Variants in ZNF207 observed in about 807,000 individuals in gnomAD.
The protein encoded by ZNF207 is BUB3-interacting and GLEBS motif-containing protein ZNF207.
Under a neutral mutation model 60.2 loss-of-function variants are expected in ZNF207, and 24 were observed. The observed-to-expected ratio is 0.40, with a 90% CI of 0.29 to 0.56. The LOEUF (loss-of-function observed/expected upper bound fraction) is 0.56, where lower values mean the gene tolerates loss of function less well. ZNF207 is among the 20% of genes least tolerant of loss of function. The pLI, the probability that ZNF207 is intolerant of heterozygous loss-of-function variation, is 0.49. For missense variants in ZNF207, 452 were observed against 636.6 expected (o/e 0.71, Z 3.12); for synonymous variants, 236 against 194.7 (o/e 1.21, Z -1.77).
In ZNF207 at chr17:32,361,101, A is replaced by G. The variant is rs1348422710; in HGVS notation, c.551+134A>G. 1.4e-5 allele frequency: 13 copies of G among 905,082 alleles called. No individual in the cohort carries two copies. In the South Asian group the frequency reaches 1.9e-4, roughly 13 times the overall value. 56.1% of individuals were successfully genotyped at this position (905,082 alleles called of 1,614,324 possible). The stretch of plus-strand genomic sequence containing the variant: ...GTATGGGCTCTATATATCTTGTCTA[A>G]TAAAGGGATCAACCAGTAAATTTAA... On this transcript the variant is annotated intron_variant, in intron 5 of 11. Transcript: ENST00000394670.
intron 6 of ZNF207, among the ~76,000 whole-genome samples, chr17:32,361,952 A>G (rs1316036697): frequency 1.3e-5 from 2 of 152,178 alleles, no homozygotes; most frequent in Non-Finnish European, 1.5e-5. Flanking sequence ...CCAATTTATC[A>G]TTTTTTAAGT....
At position 32,374,955 on chromosome 17, in the gene ZNF207, T is replaced by C. The variant is rs989380517; in HGVS notation, c.*5196T>C. 1.3e-5 allele frequency: 2 copies of C among 152,188 alleles called. No homozygotes were observed. The highest frequency in any genetic ancestry group is 2.9e-5 in the Non-Finnish European group (2 of 68,030). The allele number at this position is 152,188 out of a possible 1,614,324, so 9.4% of individuals were successfully genotyped here. On this transcript the variant is annotated 3_prime_UTR_variant, in exon 12 of 12. Coordinates refer to ENST00000394670, the MANE Select transcript of ZNF207 (RefSeq NM_001098507.2). Reference sequence around the variant, plus strand: ...GGTGAGAAAAGTTGTGTGCGTGTGTTTGTTGTAGGGAATAATTAGGGAATT... The same window carrying C: ...GGTGAGAAAAGTTGTGTGCGTGTGTCTGTTGTAGGGAATAATTAGGGAATT...
chr17:32,357,352 T>TTA (rs1491151439), intron 2 of ZNF207, among the ~76,000 whole-genome samples: 18 of 45,338 alleles, frequency 4.0e-4, no homozygotes, highest in African/African-American at 1.6e-3. Context: ...ATTATTATTA[T>TTA]TTTTTTTTTT....
chr17:32,357,504 A>G lies in ZNF207; in HGVS notation c.169-999A>G, dbSNP rs752108073. 5.9e-5 allele frequency among the ~76,000 whole-genome samples: 9 copies of G among 151,502 alleles called. No homozygotes were observed. In the East Asian group the frequency reaches 7.8e-4, roughly 13 times the overall value. On this transcript the variant is annotated intron_variant, in intron 2 of 11. Coordinates refer to ENST00000394670, the MANE Select transcript of ZNF207 (RefSeq NM_001098507.2). ...GCTGGGATTACAGGCACGTGCCACC[A>G]TGCCCGGCTAATTTTTGTATTTTTA... is the stretch of plus-strand genomic sequence containing the variant.
rs758752810 is a variant in ZNF207 at position 32,367,976 on chromosome 17, A to G, written c.1126A>G (p.Thr376Ala). 6.2e-7 allele frequency: 1 copy of G among 1,614,064 alleles called. No individual in the cohort carries two copies. Among genetic ancestry groups the G allele is most frequent in the Non-Finnish European group, 8.5e-7 (1 of 1,180,022 alleles). ...KPATLTTTSA[T>A]SKLIHPDEDI... ...TGCTACACTTACAACAACTAGTGCA[A>G]CCAGTAAGTTGATCCATCCAGATGA... Residue 376 changes from threonine to alanine, a missense_variant, in exon 10 of 12, where the codon ACC becomes GCC. This residue lies in a region of ZNF207 where 390 missense variants were observed against 461.4 expected (regional missense o/e 0.85). Coordinates refer to ENST00000394670, the MANE Select transcript of ZNF207 (RefSeq NM_001098507.2).
intron 2 of ZNF207, among the ~76,000 whole-genome samples, chr17:32,357,353 T>TATTTTA (rs1274723282): frequency 3.4e-5 from 3 of 88,188 alleles, no homozygotes; most frequent in Non-Finnish European, 5.1e-5. Flanking sequence ...TTATTATTAT[T>TATTTTA]TTTTTTTTTT....
Position 32,357,168 on chromosome 17 carries a change from T to A in ZNF207, c.169-1335T>A, listed in dbSNP as rs773569471. ...CTGTACTCCTGCTTGGGTGGCAGAG[T>A]GAGACCCTGTCTTAAAAAAAAAAAA... On this transcript the variant is annotated intron_variant, in intron 2 of 11. Transcript: ENST00000394670. Among the ~76,000 whole-genome samples the A allele has an allele frequency of 3.6e-3, 503 of 141,302 alleles. 1 individual carries two copies. The highest frequency in any genetic ancestry group is 4.9e-3 in the Non-Finnish European group (320 of 65,028). 92.7% of individuals were successfully genotyped at this position (141,302 alleles called of 152,430 possible).
chr17:32,373,819 G>A lies in ZNF207; in HGVS notation c.*4060G>A. 6.0e-6 allele frequency: 1 copy of A among 165,878 alleles called. No homozygotes were observed. Among genetic ancestry groups the A allele is most frequent in the East Asian group, 1.6e-4 (1 of 6,148 alleles). The allele number at this position is 165,878 out of a possible 1,614,324, so 10.3% of individuals were successfully genotyped here. A position where few individuals can be genotyped will look rare whatever the true frequency, so the allele number is the denominator to read the frequency against. On this transcript the variant is annotated 3_prime_UTR_variant, in exon 12 of 12. Transcript: ENST00000394670. ...TTTCACTTCTAGGAAAATCTTACTGGTTTTATTTTCTCCATAAACTATTAA... is the reference window on the plus strand; with the variant it reads ...TTTCACTTCTAGGAAAATCTTACTGATTTTATTTTCTCCATAAACTATTAA...
At chr17:32,361,681 C>T (rs952590232) in intron 6 of ZNF207, among the ~76,000 whole-genome samples, 166 bp downstream of exon 6, 3 of 152,132 alleles carry the variant, frequency 2.0e-5, no homozygotes, top group Non-Finnish European at 4.4e-5. Flanking sequence ...GAAAATAAAA[C>T]ATCTTTTAGG....
intron 2 of ZNF207, among the ~76,000 whole-genome samples, chr17:32,357,353 T>TTA (rs1555605240): frequency 1.1e-5 from 1 of 88,154 alleles, no homozygotes; most frequent in African/African-American, 4.3e-5. Flanking sequence ...TTATTATTAT[T>TTA]TTTTTTTTTT....
Position 32,376,276 on chromosome 17 carries a change from ATCTT to A in ZNF207, c.*6519_*6522del, listed in dbSNP as rs1030312852. The A allele has an allele frequency of 5.2e-4, 79 of 152,158 alleles. No individual in the cohort carries two copies. Among genetic ancestry groups the A allele is most frequent in the African/African-American group, 1.8e-3 (74 of 41,574 alleles). The allele number at this position is 152,158 out of a possible 1,614,324, so 9.4% of individuals were successfully genotyped here. On this transcript the variant is annotated 3_prime_UTR_variant, in exon 12 of 12. Transcript: ENST00000394670. ...CAAGTGTTTAAGCCCTAAAACATCTATCTTTATTTTTTTACCTGGCATTTTTGTT... is the reference window on the plus strand; with the variant it reads ...CAAGTGTTTAAGCCCTAAAACATCTATATTTTTTTACCTGGCATTTTTGTT...
rs955222707 is a variant in ZNF207 at position 32,370,603 on chromosome 17, A to G, written c.*844A>G. On this transcript the variant is annotated 3_prime_UTR_variant, in exon 12 of 12. Coordinates refer to ENST00000394670, the MANE Select transcript of ZNF207 (RefSeq NM_001098507.2). ...ATTACATAATGGGTATGAAATCTTT[A>G]TAATCACCCTTCCACCCTCTATGGT... 8 of 152,236 alleles carry G rather than the reference A, an allele frequency of 5.3e-5. No individual in the cohort carries two copies. The highest frequency in any genetic ancestry group is 1.9e-4 in the African/African-American group (8 of 41,466). 9.4% of individuals were successfully genotyped at this position (152,236 alleles called of 1,614,324 possible).
At chr17:32,352,185 G>A (rs574438642) in intron 2 of ZNF207, among the ~76,000 whole-genome samples, 48 of 152,114 alleles carry the variant, frequency 3.2e-4, no homozygotes, top group Non-Finnish European at 6.9e-4. Context: ...GGCCAGGCTG[G>A]TCTCGAACTC....
chr17:32,360,750 C>A lies in ZNF207; in HGVS notation c.460C>A (p.Pro154Thr). 1.2e-6 allele frequency: 2 copies of A among 1,613,990 alleles called. No individual in the cohort carries two copies. The highest frequency in any genetic ancestry group is 1.7e-6 in the Non-Finnish European group (2 of 1,179,956). The change falls in exon 4 of 12, where the codon CCA becomes ACA. Residue 154 changes from proline (P) to threonine (T), a missense_variant. By Grantham distance (38) the Pro-to-Thr change is conservative (BLOSUM62 -1). This residue lies in a region of ZNF207 where 390 missense variants were observed against 461.4 expected (regional missense o/e 0.85). Coordinates refer to ENST00000394670, the MANE Select transcript of ZNF207 (RefSeq NM_001098507.2). ...AGGACTGCCACCAGTACCAGGAGCACCAGGAATGCCTCCAGGTAGCACATA... is the reference window on the plus strand; with the variant it reads ...AGGACTGCCACCAGTACCAGGAGCAACAGGAATGCCTCCAGGTAGCACATA... ...QPGLPPVPGA[P>T]GMPPGIPPLM... is the part of the protein sequence containing the mutation.
Position 32,350,161 on chromosome 17 carries a change from G to T in ZNF207, c.-125G>T. ...GGCGGAGCGGGGAACGAGGCCGTCG[G>T]CCATTTTGTGTCTGCTTCCTGTGGG... On this transcript the variant is annotated 5_prime_UTR_variant, in exon 1 of 12. Coordinates refer to ENST00000394670, the MANE Select transcript of ZNF207 (RefSeq NM_001098507.2). 6 of 1,495,968 alleles carry T rather than the reference G, an allele frequency of 4.0e-6. No homozygotes were observed. Among genetic ancestry groups the T allele is most frequent in the Non-Finnish European group, 5.6e-6 (6 of 1,079,452 alleles). 92.7% of individuals were successfully genotyped at this position (1,495,968 alleles called of 1,614,324 possible).
In ZNF207 at chr17:32,376,965, C is replaced by CT. The variant is rs1373803536; in HGVS notation, c.*7207dup. The CT allele has an allele frequency of 5.3e-5, 8 of 151,906 alleles. No homozygotes were observed. Among genetic ancestry groups the CT allele is most frequent in the African/African-American group, 1.9e-4 (8 of 41,402 alleles). 9.4% of individuals were successfully genotyped at this position (151,906 alleles called of 1,614,324 possible). A position where few individuals can be genotyped will look rare whatever the true frequency, so the allele number is the denominator to read the frequency against. On this transcript the variant is annotated 3_prime_UTR_variant, in exon 12 of 12. Transcript: ENST00000394670. ...CTAAGCCCTCTGACATTGTTAGTGTCTGGGTTGGTTGGTTTGCATTTTACT... is the reference window on the plus strand; with the variant it reads ...CTAAGCCCTCTGACATTGTTAGTGTCTTGGGTTGGTTGGTTTGCATTTTACT...
chr17:32,367,903 A>G lies in ZNF207; in HGVS notation c.1053A>G (p.Thr351=), dbSNP rs774132778. ...AGTCTACAGCTTCAACAACTAGTAC[A>G]ACAAATAGTACTGCAGCTAAACCAG... ...YTQSTASTTS[T]TNSTAAKPAA... Residue 351 remains threonine, a synonymous_variant, in exon 10 of 12, where the codon ACA becomes ACG. Coordinates refer to ENST00000394670, the MANE Select transcript of ZNF207 (RefSeq NM_001098507.2). 5.0e-6 allele frequency: 8 copies of G among 1,614,152 alleles called. No homozygotes were observed. The highest frequency in any genetic ancestry group is 5.9e-6 in the Non-Finnish European group (7 of 1,180,026).
Position 32,361,495 on chromosome 17 carries a change from G to A in ZNF207, c.579G>A (p.Gln193=). ...PGLHHQRKYT[Q]SFCGENIMMP... ...TGCATCATCAGAGAAAATACACCCA[G>A]TCATTTTGCGGTGAAAACATGTAAG... The change falls in exon 6 of 12, where the codon CAG becomes CAA. Residue 193 remains glutamine, a synonymous_variant. Coordinates refer to ENST00000394670, the MANE Select transcript of ZNF207 (RefSeq NM_001098507.2). 1 of 1,607,284 alleles carries A rather than the reference G, an allele frequency of 6.2e-7. No homozygotes were observed. The highest frequency in any genetic ancestry group is 8.5e-7 in the Non-Finnish European group (1 of 1,176,678).
At chr17:32,356,101 A>C (rs1465328135) in intron 2 of ZNF207, among the ~76,000 whole-genome samples, 1 of 152,186 alleles carries the variant, frequency 6.6e-6, no homozygotes, top group East Asian at 1.9e-4. Flanking sequence ...CAGTTAAATC[A>C]TACCAATTTT....
Sources: allele counts gnomAD v4.1 joint callset (sites outside exome capture counted in the v4.1 genomes callset), GRCh38; gene constraint gnomAD v4.1.1; regional missense constraint gnomAD v4.1.1; transcripts MANE v1.5; gene names NCBI Gene and HGNC (gene_info 2026-07-23, HGNC 2026-07-21).